Variants in GABPA observed in about 807,000 individuals in gnomAD.
The protein encoded by GABPA is GA binding protein transcription factor subunit alpha, also known as GA-binding protein alpha chain.
GABPA carries 4 observed loss-of-function variants against 59.4 expected under a neutral mutation model. The observed-to-expected ratio is 0.07, with a 90% CI of 0.03 to 0.15. The LOEUF is 0.15. GABPA is among the 10% of genes least tolerant of loss of function. The pLI, the probability that GABPA is intolerant of heterozygous loss-of-function variation, is 1.00. For synonymous variants in GABPA, 164 were observed against 183.1 expected, an observed-to-expected ratio of 0.90 and a Z score of 0.84; for missense variants, 251 against 543.8, an observed-to-expected ratio of 0.46 and a Z score of 5.36.
Position 25,749,028 on chromosome 21 carries a change from A to G in GABPA, c.223-8A>G, listed in dbSNP as rs142018680. Reference sequence around the variant, plus strand: ...TGAAATAATCTTACTCATTTTATCCATGGTTAGCTGGATCCAGAACGAAGT... The same window carrying G: ...TGAAATAATCTTACTCATTTTATCCGTGGTTAGCTGGATCCAGAACGAAGT... On this transcript the variant is annotated splice_polypyrimidine_tract_variant and splice_region_variant and intron_variant, in intron 3 of 9. Coordinates refer to ENST00000400075, the MANE Select transcript of GABPA (RefSeq NM_002040.4). The G allele has an allele frequency of 1.2e-5, 19 of 1,574,352 alleles. No homozygotes were observed. The African/African-American group carries it at 1.5e-4, about 12-fold the overall frequency.
In GABPA at chr21:25,758,044, T is replaced by C. The variant is rs779833237; in HGVS notation, c.588T>C (p.His196=). Residue 196 remains histidine (H), a synonymous_variant, in exon 6 of 10, where the codon CAT becomes CAC. Transcript: ENST00000400075. ...PIQWSTDQVL[H]WVVWVMKEFS... ...AGTGGTCCACAGACCAAGTCCTGCA[T>C]TGGGTGGTTTGGGTAATGAAGGAAT... The C allele has an allele frequency of 7.5e-6, 12 of 1,599,114 alleles. No individual in the cohort carries two copies. The highest frequency in any genetic ancestry group is 3.4e-6 in the Non-Finnish European group (4 of 1,174,864).
intron 9 of GABPA, among the ~76,000 whole-genome samples, chr21:25,766,660 CT>C (rs1568954671): frequency 6.6e-5 from 10 of 151,862 alleles, no homozygotes. Flanking sequence ...AACTCACCCC[CT>C]AGAGTGGCTA....
In GABPA at chr21:25,745,273, A is replaced by G; in HGVS notation, c.141A>G (p.Pro47=). Residue 47 remains proline (P), a synonymous_variant, in exon 3 of 10, where the codon CCA becomes CCG. Transcript: ENST00000400075. ...CVSQAIDINE[P]IGNLKKLLEP... is the part of the protein sequence containing the mutation. ...GCCAGGCCATAGACATCAATGAACC[A>G]ATAGGCAATTTAAAGAAACTGCTAG... The G allele has an allele frequency of 1.2e-6, 2 of 1,613,928 alleles. No homozygotes were observed. Among genetic ancestry groups the G allele is most frequent in the Non-Finnish European group, 1.7e-6 (2 of 1,179,796 alleles).
At position 25,769,265 on chromosome 21, in the gene GABPA, C is replaced by G; in HGVS notation, c.*33C>G. 1 of 1,379,238 alleles carries G rather than the reference C, an allele frequency of 7.3e-7. No homozygotes were observed. The highest frequency in any genetic ancestry group is 1.0e-6 in the Non-Finnish European group (1 of 968,732). 85.4% of individuals were successfully genotyped at this position (1,379,238 alleles called of 1,614,324 possible). A position where few individuals can be genotyped will look rare whatever the true frequency, so the allele number is the denominator to read the frequency against. The stretch of plus-strand genomic sequence containing the variant: ...GACATTCTGAGACTCCAAAGTCTTT[C>G]TTAAAATGTTTAGAGCAAGTATAGC... On this transcript the variant is annotated 3_prime_UTR_variant, in exon 10 of 10. Transcript: ENST00000400075.
At chr21:25,752,341 T>C (rs1016365229) in intron 5 of GABPA, 107 bp downstream of exon 5, 5 of 1,136,264 alleles carry the variant, frequency 4.4e-6, no homozygotes, top group Non-Finnish European at 6.2e-6. Flanking sequence ...GTTATTAGGA[T>C]GAATGTTGAT....
chr21:25,751,844 A>G (rs2035520635), intron 4 of GABPA, 145 bp from the exon 5 acceptor site: 1 of 743,446 alleles, frequency 1.3e-6, no homozygotes, highest in Non-Finnish European at 2.2e-6. Flanking sequence ...TCCTTCACCC[A>G]GATTCCCCAA....
At chr21:25,762,660 C>T (rs140462297) in intron 7 of GABPA, among the ~76,000 whole-genome samples, 2 of 152,214 alleles carry the variant, frequency 1.3e-5, no homozygotes, top group African/African-American at 4.8e-5. Flanking sequence ...CAATTCTAAC[C>T]ACATTCATAC....
Position 25,769,344 on chromosome 21 carries a change from T to A in GABPA, c.*112T>A, listed in dbSNP as rs1385518864. ...TCTTTTATTTCTAGGCTGTACAGTC[T>A]GATGCATGATTTTTTTATAAATATT... On this transcript the variant is annotated 3_prime_UTR_variant, in exon 10 of 10. Coordinates refer to ENST00000400075, the MANE Select transcript of GABPA (RefSeq NM_002040.4). 7.6e-5 allele frequency: 45 copies of A among 594,750 alleles called. No individual in the cohort carries two copies. The highest frequency in any genetic ancestry group is 9.1e-6 in the Non-Finnish European group (3 of 327,946). The allele number at this position is 594,750 out of a possible 1,614,324, so 36.8% of individuals were successfully genotyped here. A position where few individuals can be genotyped will look rare whatever the true frequency, so the allele number is the denominator to read the frequency against.
At chr21:25,753,725 A>C (rs900393711) in intron 5 of GABPA, among the ~76,000 whole-genome samples, 1 of 152,212 alleles carries the variant, frequency 6.6e-6, no homozygotes, top group African/African-American at 2.4e-5. Context: ...ATGAGGAAGA[A>C]TGCTGGGGTA....
chr21:25,738,086 T>C (rs1458768856), intron 1 of GABPA, among the ~76,000 whole-genome samples: 2 of 152,210 alleles, frequency 1.3e-5, no homozygotes, highest in Non-Finnish European at 2.9e-5. Flanking sequence ...TGCTGGGTTA[T>C]AGGTATGAGT....
intron 5 of GABPA, among the ~76,000 whole-genome samples, chr21:25,757,098 A>T (rs555445313): frequency 6.6e-6 from 1 of 152,052 alleles, no homozygotes; most frequent in Non-Finnish European, 1.5e-5. Context: ...CGATACCTAA[A>T]TGTTATTTTT....
intron 4 of GABPA, among the ~76,000 whole-genome samples, chr21:25,749,560 G>C (rs941459586): frequency 6.6e-6 from 1 of 152,186 alleles, no homozygotes; most frequent in African/African-American, 2.4e-5. Context: ...TGCTGGCTGC[G>C]GGGGCTCACG....
At chr21:25,740,152 A>G (rs1390691546) in intron 1 of GABPA, among the ~76,000 whole-genome samples, 1 of 152,244 alleles carries the variant, frequency 6.6e-6, no homozygotes, top group Non-Finnish European at 1.5e-5. Flanking sequence ...AAACTGTGAC[A>G]TGGAGCCACA....
intron 6 of GABPA, among the ~76,000 whole-genome samples, chr21:25,759,684 A>G (rs1225106737): frequency 6.6e-6 from 1 of 152,066 alleles, no homozygotes; most frequent in Non-Finnish European, 1.5e-5. Flanking sequence ...TTCTTACTAG[A>G]TAAGTAAGTT....
rs924763126 is a variant in GABPA at position 25,735,260 on chromosome 21, G to A, written c.-345G>A. On this transcript the variant is annotated 5_prime_UTR_variant, in exon 1 of 10. Coordinates refer to ENST00000400075, the MANE Select transcript of GABPA (RefSeq NM_002040.4). ...GGTTATCGAAGTGTATAAAGGTGCA[G>A]GGAAAGTGAGACTGTGTAAAACAAA... The A allele has an allele frequency of 7.8e-6, 4 of 511,258 alleles. No individual in the cohort carries two copies. In the Admixed American group the frequency reaches 9.7e-5, roughly 12 times the overall value. 31.7% of individuals were successfully genotyped at this position (511,258 alleles called of 1,614,324 possible). A position where few individuals can be genotyped will look rare whatever the true frequency, so the allele number is the denominator to read the frequency against.
chr21:25,745,174 A>G, intron 2 of GABPA, 36 bp from the exon 3 acceptor site: 1 of 1,601,780 alleles, frequency 6.2e-7, no homozygotes, highest in African/African-American at 1.3e-5. Flanking sequence ...CAGGGTAAAA[A>G]ATGTAACTGT....
At chr21:25,740,949 G>A (rs972699763) in intron 1 of GABPA, among the ~76,000 whole-genome samples, 1 of 152,152 alleles carries the variant, frequency 6.6e-6, no homozygotes, top group African/African-American at 2.4e-5. Flanking sequence ...GTTTGAATCT[G>A]TTATTGAGAC....
chr21:25,749,566 T>TCAC (rs1301360345), intron 4 of GABPA, among the ~76,000 whole-genome samples: 3 of 152,220 alleles, frequency 2.0e-5, no homozygotes, highest in Non-Finnish European at 4.4e-5. Context: ...CTGCGGGGGC[T>TCAC]CACGCCTGTA....
chr21:25,751,116 T>G (rs1398880771), intron 4 of GABPA, among the ~76,000 whole-genome samples: 2 of 152,114 alleles, frequency 1.3e-5, no homozygotes, highest in Non-Finnish European at 2.9e-5. Flanking sequence ...CATTTTAGTC[T>G]GAGGTTATTT....
Sources: gnomAD v4.1 joint callset for allele counts (sites outside exome capture counted in the v4.1 genomes callset) on GRCh38, gnomAD v4.1.1 for gene constraint, MANE v1.5 for transcripts, NCBI Gene and HGNC (gene_info 2026-07-23, HGNC 2026-07-21) for gene names.